Variants in ALDH9A1 observed in about 807,000 individuals in gnomAD.
ALDH9A1 encodes the protein aldehyde dehydrogenase 9 family member A1, also known as 4-trimethylaminobutyraldehyde dehydrogenase.
ALDH9A1 carries 42 observed loss-of-function variants against 56.6 expected under a neutral mutation model. The ratio of observed to expected loss-of-function variants is 0.74; its 90% confidence interval spans 0.58 to 0.96. The LOEUF is 0.96. Among genes scored for constraint, ALDH9A1 ranks in the 40% least tolerant of loss-of-function variants. ALDH9A1 has a pLI of 0.00. For missense variants in ALDH9A1, 661 were observed against 651.5 expected (o/e 1.01, Z -0.16); for synonymous variants, 242 against 236.0 (o/e 1.03, Z -0.23).
intron 6 of ALDH9A1, 50 bp downstream of exon 6, chr1:165,679,392 A>C: frequency 6.3e-7 from 1 of 1,595,746 alleles, no homozygotes; most frequent in South Asian, 1.1e-5. Context: ...ACACTGTTGG[A>C]TGAGGGGGTA....
At chr1:165,667,578 C>T (rs1048629056) in intron 8 of ALDH9A1, 128 bp from the exon 9 acceptor site, 17 of 953,570 alleles carry the variant, frequency 1.8e-5, no homozygotes, top group South Asian at 1.0e-4. Flanking sequence ...TGGGCTCCAG[C>T]GATCCTCCTG....
At chr1:165,673,755 G>A (rs779585641) in intron 6 of ALDH9A1, among the ~76,000 whole-genome samples, 2 of 152,144 alleles carry the variant, frequency 1.3e-5, no homozygotes. Context: ...GTTTACAGAA[G>A]ATGGATCTTT....
chr1:165,687,222 C>T (rs1232127599), intron 2 of ALDH9A1, among the ~76,000 whole-genome samples: 1 of 151,878 alleles, frequency 6.6e-6, no homozygotes. Flanking sequence ...GCATCAGTGA[C>T]GTGGGATAGC....
At chr1:165,691,009 A>G (rs754823438) in intron 2 of ALDH9A1, among the ~76,000 whole-genome samples, 44 of 152,162 alleles carry the variant, frequency 2.9e-4, no homozygotes, top group Admixed American at 1.1e-3. Flanking sequence ...TGAAAAGAGT[A>G]GTGGTTCTTC....
At chr1:165,674,269 G>A (rs1649271929) in intron 6 of ALDH9A1, among the ~76,000 whole-genome samples, 1 of 133,422 alleles carries the variant, frequency 7.5e-6, no homozygotes, top group Non-Finnish European at 1.5e-5. Context: ...TGCCTATGGA[G>A]TAGGCATTCT....
chr1:165,676,395 G>A (rs1038309609), intron 6 of ALDH9A1: 3 of 189,208 alleles, frequency 1.6e-5, no homozygotes, highest in Admixed American at 5.4e-5. Context: ...CTTGGGCCAC[G>A]TGCATGCAAA....
intron 2 of ALDH9A1, 111 bp from the exon 3 acceptor site, chr1:165,683,221 C>T: frequency 6.1e-6 from 7 of 1,156,624 alleles, no homozygotes; most frequent in Non-Finnish European, 8.7e-6. Flanking sequence ...ATAGCTTTCA[C>T]TTTAAATGAA....
At chr1:165,679,631 G>GCA in intron 5 of ALDH9A1, 49 bp from the exon 6 acceptor site, 1 of 1,603,102 alleles carries the variant, frequency 6.2e-7, no homozygotes, top group South Asian at 1.1e-5. Context: ...AAATTATATT[G>GCA]CATGCTAAGT....
At chr1:165,687,431 T>C (rs1475014424) in intron 2 of ALDH9A1, among the ~76,000 whole-genome samples, 1 of 151,606 alleles carries the variant, frequency 6.6e-6, no homozygotes, top group Non-Finnish European at 1.5e-5. Context: ...ATCAAATTGC[T>C]TAAAACCAGT....
chr1:165,662,516 T>C lies in ALDH9A1; in HGVS notation c.*534A>G, dbSNP rs141456396. 256 of 152,702 alleles carry C rather than the reference T, an allele frequency of 1.7e-3. 12 individuals are homozygous for C. The highest frequency in any genetic ancestry group is 0.015 in the Admixed American group (234 of 15,318). 9.5% of individuals were successfully genotyped at this position (152,702 alleles called of 1,614,324 possible). A position where few individuals can be genotyped will look rare whatever the true frequency, so the allele number is the denominator to read the frequency against. ...TTAAAAAAATGTCAATGAGCTGAAATCATCTCTACTGATTCTACCAGGAAC... is the reference window on the plus strand; with the variant it reads ...TTAAAAAAATGTCAATGAGCTGAAACCATCTCTACTGATTCTACCAGGAAC... On this transcript the variant is annotated 3_prime_UTR_variant, in exon 11 of 11. Transcript: ENST00000354775.
chr1:165,678,240 G>A (rs1043983286), intron 6 of ALDH9A1, among the ~76,000 whole-genome samples: 11 of 149,926 alleles, frequency 7.3e-5, no homozygotes, highest in Admixed American at 4.7e-4. Context: ...AGGCTGAGGC[G>A]GGGGAATCGC....
At chr1:165,696,437 G>C (rs1314161952) in intron 1 of ALDH9A1, among the ~76,000 whole-genome samples, 1 of 151,978 alleles carries the variant, frequency 6.6e-6, no homozygotes, top group African/African-American at 2.4e-5. Context: ...CAGTCTATTG[G>C]GTTATAAACT....
At chr1:165,687,091 A>C (rs1268731600) in intron 2 of ALDH9A1, among the ~76,000 whole-genome samples, 1 of 152,162 alleles carries the variant, frequency 6.6e-6, no homozygotes, top group South Asian at 2.1e-4. Context: ...AGACCGATGA[A>C]CTTGAGTCAT....
At chr1:165,694,504 CTCT>C (rs35894201) in intron 2 of ALDH9A1, among the ~76,000 whole-genome samples, 46,044 of 151,644 alleles carry the variant, frequency 0.3, 7,214 homozygotes, top group South Asian at 0.48. Context: ...AAGTTTAACT[CTCT>C]TTTTTTTAAA....
intron 6 of ALDH9A1, among the ~76,000 whole-genome samples, chr1:165,672,383 T>A (rs1480189227): frequency 6.6e-6 from 1 of 152,154 alleles, no homozygotes; most frequent in Non-Finnish European, 1.5e-5. Flanking sequence ...GAAGATATTA[T>A]ACTAAGTGAA....
chr1:165,681,423 T>C (rs1454923081), intron 4 of ALDH9A1, among the ~76,000 whole-genome samples: 1 of 152,206 alleles, frequency 6.6e-6, no homozygotes, highest in Non-Finnish European at 1.5e-5. Flanking sequence ...CTGGTGACTA[T>C]TAAAGCTAGT....
In ALDH9A1 at chr1:165,667,376, T is replaced by C. The variant is rs1649039831; in HGVS notation, c.1282A>G (p.Thr428Ala). ...GPVMSILSFD[T>A]EAEVLERAND... ...GCTCTTTCTAGAACCTCAGCTTCAG[T>C]GTCAAATGATAAAATGGACATAACA... Residue 428 changes from threonine (T) to alanine (A), a missense_variant, in exon 9 of 11, where the codon ACT becomes GCT. By Grantham distance (58) the Thr-to-Ala change is moderately conservative. Transcript: ENST00000354775. 2 of 1,614,098 alleles carry C rather than the reference T, an allele frequency of 1.2e-6. No homozygotes were observed. Among genetic ancestry groups the C allele is most frequent in the Non-Finnish European group, 1.7e-6 (2 of 1,179,992 alleles).
intron 6 of ALDH9A1, among the ~76,000 whole-genome samples, chr1:165,670,707 T>C (rs1386343223): frequency 1.3e-5 from 2 of 152,196 alleles, no homozygotes; most frequent in African/African-American, 2.4e-5. Context: ...TCATATCTCA[T>C]AATATAACAT....
intron 2 of ALDH9A1, among the ~76,000 whole-genome samples, chr1:165,689,795 G>A (rs1335527451): frequency 8.6e-5 from 13 of 151,832 alleles, no homozygotes; most frequent in African/African-American, 2.4e-4. Context: ...ATAGCCAGGC[G>A]TGGTGTCATG....
Sources: allele counts gnomAD v4.1 joint callset (sites outside exome capture counted in the v4.1 genomes callset), GRCh38; gene constraint gnomAD v4.1.1; transcripts MANE v1.5; gene names NCBI Gene and HGNC (gene_info 2026-07-23, HGNC 2026-07-21).